The following FRMD4A variants were observed in gnomAD, a reference collection of about 807,000 sequenced individuals.
FRMD4A encodes FERM domain-containing protein 4A.
FRMD4A carries 29 observed loss-of-function variants against 129.1 expected under a neutral mutation model. The observed-to-expected ratio is 0.22, with a 90% CI of 0.17 to 0.31. The LOEUF is 0.31. Ranked by LOEUF, FRMD4A falls within the 10% of genes least tolerant of loss-of-function variation. The pLI, the probability that FRMD4A is intolerant of heterozygous loss-of-function variation, is 1.00. For synonymous variants in FRMD4A, 634 were observed against 571.6 expected, an observed-to-expected ratio of 1.11 and a Z score of -1.56; for missense variants, 1,272 against 1,375.8, an observed-to-expected ratio of 0.92 and a Z score of 1.19.
Position 13,666,258 on chromosome 10 carries a change from C to T in FRMD4A, c.1442G>A (p.Arg481His), listed in dbSNP as rs754642787. 27 of 1,614,012 alleles carry T rather than the reference C, an allele frequency of 1.7e-5. No homozygotes were observed. The East Asian group carries it at 2.0e-4, about 12-fold the overall frequency. The change falls in exon 18 of 25, where the codon CGC (arginine) becomes CAC (histidine). Residue 481 changes from arginine (R) to histidine (H), a missense_variant. Physicochemically the swap from Arg to His is conservative, Grantham distance 29. This residue lies in a region of FRMD4A where 972 missense variants were observed against 892.3 expected (regional missense o/e 1.09). Coordinates refer to ENST00000357447, the MANE Select transcript of FRMD4A (RefSeq NM_018027.5). ...GCTGACGTTGGGGTCACTGGCTAGG[C>T]GGCGGGCGGCCTCCGTAATCTGGGA... is the stretch of plus-strand genomic sequence containing the variant. ...IQSQITEAAR[R>H]LASDPNVSKK... is the part of the protein sequence containing the mutation.
chr10:14,316,097 C>A (rs1330863830), intron 2 of FRMD4A, among the ~76,000 whole-genome samples: 5 of 152,216 alleles, frequency 3.3e-5, no homozygotes, highest in African/African-American at 1.2e-4. Flanking sequence ...ACCCCATTCC[C>A]AGCTTTAGAA....
chr10:13,890,052 C>A (rs112847946), intron 2 of FRMD4A, among the ~76,000 whole-genome samples: 292 of 152,318 alleles, frequency 1.9e-3, no homozygotes, highest in African/African-American at 6.7e-3. Context: ...AGTGTACAAA[C>A]TGGATCATCT....
chr10:14,031,851 A>G (rs1321019878), intron 2 of FRMD4A, among the ~76,000 whole-genome samples: 4 of 150,296 alleles, frequency 2.7e-5, no homozygotes, highest in Admixed American at 6.6e-5. Flanking sequence ...ACCACCATCC[A>G]TTTCACCCAA....
intron 23 of FRMD4A, 166 bp from the exon 24 acceptor site, chr10:13,652,140 C>T (rs1311602159): frequency 9.6e-6 from 6 of 626,886 alleles, no homozygotes; most frequent in Non-Finnish European, 1.7e-5. Flanking sequence ...ACTTTCAGTC[C>T]CCATAATTGA....
chr10:13,895,525 A>C (rs1441165804), intron 2 of FRMD4A, among the ~76,000 whole-genome samples: 1 of 152,190 alleles, frequency 6.6e-6, no homozygotes, highest in Non-Finnish European at 1.5e-5. Flanking sequence ...TACCCCTCCC[A>C]AAACCTTTTG....
At chr10:13,979,260 G>A (rs1344850285) in intron 2 of FRMD4A, among the ~76,000 whole-genome samples, 1 of 152,212 alleles carries the variant, frequency 6.6e-6, no homozygotes, top group Admixed American at 6.5e-5. Flanking sequence ...TGGTGGGAGT[G>A]AAGTTGTAAA....
intron 2 of FRMD4A, among the ~76,000 whole-genome samples, chr10:14,130,556 T>C (rs1239733889): frequency 6.6e-6 from 1 of 152,338 alleles, no homozygotes; most frequent in African/African-American, 2.4e-5. Flanking sequence ...CAGCCCATAG[T>C]AAACATTTTT....
At chr10:14,187,821 G>C (rs1386989213) in intron 2 of FRMD4A, among the ~76,000 whole-genome samples, 2 of 152,136 alleles carry the variant, frequency 1.3e-5, no homozygotes. Flanking sequence ...GGTTTTCTTT[G>C]ATTCCATATT....
intron 2 of FRMD4A, among the ~76,000 whole-genome samples, chr10:13,991,570 A>T (rs1002890873): frequency 3.9e-5 from 6 of 152,196 alleles, no homozygotes; most frequent in Non-Finnish European, 8.8e-5. Flanking sequence ...AAATGAATTC[A>T]TTCCCTTCTG....
At chr10:14,325,598 G>A (rs927708430) in intron 2 of FRMD4A, among the ~76,000 whole-genome samples, 1 of 152,244 alleles carries the variant, frequency 6.6e-6, no homozygotes, top group African/African-American at 2.4e-5. Context: ...TAGTTCTTAT[G>A]TGATTCTCTG....
chr10:14,075,406 T>A (rs779987019), intron 2 of FRMD4A, among the ~76,000 whole-genome samples: 4 of 152,226 alleles, frequency 2.6e-5, no homozygotes, highest in African/African-American at 7.2e-5. Flanking sequence ...TATTTCTATT[T>A]TCCAAATCAG....
intron 2 of FRMD4A, among the ~76,000 whole-genome samples, chr10:14,270,555 C>T (rs955832102): frequency 3.9e-5 from 6 of 152,152 alleles, no homozygotes; most frequent in Admixed American, 1.3e-4. Context: ...AGAAGTCAGT[C>T]GGCCTGCTGC....
intron 3 of FRMD4A, among the ~76,000 whole-genome samples, chr10:13,811,761 AGAG>A (rs2093450562): frequency 1.3e-5 from 2 of 152,150 alleles, no homozygotes; most frequent in Admixed American, 1.3e-4. Flanking sequence ...CAGGGCCGGA[AGAG>A]AAGAGTTATT....
chr10:14,054,015 T>A (rs1565214998), intron 2 of FRMD4A, among the ~76,000 whole-genome samples: 5 of 151,600 alleles, frequency 3.3e-5, no homozygotes, highest in Non-Finnish European at 7.4e-5. Context: ...CCTACAAAAT[T>A]TTTTTTTAAA....
chr10:14,171,014 G>GT (rs60013417), intron 2 of FRMD4A, among the ~76,000 whole-genome samples: 135,407 of 147,830 alleles, frequency 0.92, 62,019 homozygotes, highest in Middle Eastern at 0.97. Context: ...TACGAGGGGA[G>GT]TTTTTTTTTT....
chr10:14,329,709 C>T (rs1843436287), intron 2 of FRMD4A, among the ~76,000 whole-genome samples: 1 of 152,138 alleles, frequency 6.6e-6, no homozygotes, highest in Admixed American at 6.5e-5. Context: ...AAAACAAACA[C>T]AATCAGCTCA....
At chr10:14,024,211 T>C (rs533074367) in intron 2 of FRMD4A, among the ~76,000 whole-genome samples, 3 of 152,330 alleles carry the variant, frequency 2.0e-5, no homozygotes, top group Non-Finnish European at 2.9e-5. Flanking sequence ...TGACCGCACA[T>C]GAGTAAGAAT....
At chr10:14,177,426 G>A (rs2182592) in intron 2 of FRMD4A, among the ~76,000 whole-genome samples, 75,211 of 151,658 alleles carry the variant, frequency 0.5, 20,353 homozygotes, top group Non-Finnish European at 0.6. Context: ...ACCAACCTTG[G>A]CCTCCCAAAG....
At chr10:14,265,024 C>T (rs111425789) in intron 2 of FRMD4A, among the ~76,000 whole-genome samples, 1,682 of 152,250 alleles carry the variant, frequency 0.011, 36 homozygotes, top group African/African-American at 0.038. Flanking sequence ...CCTCGTGATC[C>T]GCAAGCCTCG....
Sources: allele counts gnomAD v4.1 joint callset (sites outside exome capture counted in the v4.1 genomes callset), GRCh38; gene constraint gnomAD v4.1.1; regional missense constraint gnomAD v4.1.1; transcripts MANE v1.5; gene names NCBI Gene and HGNC (gene_info 2026-07-23, HGNC 2026-07-21).